CHN2: variants seen among roughly 807,000 people sequenced by gnomAD.
The protein encoded by CHN2 is chimerin 2.
A neutral mutation model predicts 56.3 loss-of-function variants in CHN2; 35 were observed. The observed-to-expected ratio is 0.62, with a 90% CI of 0.47 to 0.82. CHN2 has a LOEUF of 0.82. CHN2 is among the 40% of genes least tolerant of loss of function. CHN2 has a pLI of 0.00. For synonymous variants in CHN2, 210 were observed against 212.8 expected (o/e 0.99, Z 0.12); for missense variants, 491 against 580.5 (o/e 0.85, Z 1.58).
chr7:29,300,798 T>C (rs1793602694), intron 1 of CHN2, among the ~76,000 whole-genome samples: 1 of 152,210 alleles, frequency 6.6e-6, no homozygotes, highest in African/African-American at 2.4e-5. Context: ...GTATGCCTAG[T>C]CTTCACCCCC....
intron 10 of CHN2, among the ~76,000 whole-genome samples, chr7:29,505,705 T>G (rs1294140609): frequency 6.6e-6 from 1 of 152,186 alleles, no homozygotes; most frequent in Non-Finnish European, 1.5e-5. Context: ...AGAGCTCCAC[T>G]TCCTTTTTCC....
chr7:29,490,490 T>C (rs190528532), intron 7 of CHN2, among the ~76,000 whole-genome samples: 4 of 152,318 alleles, frequency 2.6e-5, no homozygotes, highest in Admixed American at 2.6e-4. Context: ...CTATTTCAAC[T>C]TTGTATATCC....
chr7:29,508,780 T>C (rs1216410154), intron 11 of CHN2, among the ~76,000 whole-genome samples: 4 of 152,210 alleles, frequency 2.6e-5, no homozygotes, highest in South Asian at 4.1e-4. Flanking sequence ...GGGTTAAGTA[T>C]GCCAACGCCA....
At chr7:29,384,291 C>A (rs1800756552) in intron 3 of CHN2, among the ~76,000 whole-genome samples, 1 of 152,212 alleles carries the variant, frequency 6.6e-6, no homozygotes, top group Admixed American at 6.5e-5. Context: ...AATTTCCCTT[C>A]CTTTTGGTGT....
intron 1 of CHN2, among the ~76,000 whole-genome samples, chr7:29,308,557 G>A (rs950596902): frequency 3.4e-4 from 51 of 152,042 alleles, no homozygotes; most frequent in African/African-American, 1.1e-3. Flanking sequence ...TCTTTCCCCC[G>A]GTGCCTTCTC....
chr7:29,480,888 A>G (rs1344449369), intron 7 of CHN2, among the ~76,000 whole-genome samples: 2 of 146,312 alleles, frequency 1.4e-5, no homozygotes, highest in African/African-American at 5.1e-5. Context: ...GGGTACGGCT[A>G]GCAGGGGGGG....
intron 1 of CHN2, among the ~76,000 whole-genome samples, chr7:29,329,770 C>T (rs1420805169): frequency 6.6e-6 from 1 of 152,168 alleles, no homozygotes; most frequent in Non-Finnish European, 1.5e-5. Context: ...GTCGGCAAAT[C>T]TGTACAATAA....
intron 3 of CHN2, among the ~76,000 whole-genome samples, chr7:29,373,183 T>C (rs1799750803): frequency 6.6e-6 from 1 of 151,624 alleles, no homozygotes; most frequent in African/African-American, 2.4e-5. Flanking sequence ...CCAATCTTTT[T>C]TTTTTTTCTG....
Position 29,509,408 on chromosome 7 carries a change from T to TA in CHN2, c.1235+4dup. 6.2e-7 allele frequency: 1 copy of TA among 1,611,144 alleles called. No individual in the cohort carries two copies. Among genetic ancestry groups the TA allele is most frequent in the Non-Finnish European group, 8.5e-7 (1 of 1,177,450 alleles). ...GTACCTAATGATCCACCTCAAAAAG[T>TA]AAGCTCATGTCTCGTGCACAAAGCC... is the stretch of plus-strand genomic sequence containing the variant. On this transcript the variant is annotated splice_region_variant and intron_variant, in intron 12 of 12. Coordinates refer to ENST00000222792, the MANE Select transcript of CHN2 (RefSeq NM_004067.4).
chr7:29,368,370 C>G (rs887438201), intron 3 of CHN2, among the ~76,000 whole-genome samples: 1 of 151,920 alleles, frequency 6.6e-6, no homozygotes, highest in Non-Finnish European at 1.5e-5. Context: ...CTTTCAACGC[C>G]CATATTTAGT....
At chr7:29,169,779 A>C (rs1796358133) in intron 2 of CHN2, among the ~76,000 whole-genome samples, 1 of 151,884 alleles carries the variant, frequency 6.6e-6, no homozygotes, top group Non-Finnish European at 1.5e-5. Context: ...GTGCCTATAG[A>C]CCTTCACATC....
At chr7:29,252,590 T>TTTTTTTTTTTTG (rs1788695401) in intron 1 of CHN2, among the ~76,000 whole-genome samples, 1 of 31,928 alleles carries the variant, frequency 3.1e-5, no homozygotes, top group African/African-American at 2.5e-4. Flanking sequence ...TTTTTTTTTT[T>TTTTTTTTTTTTG]TTTTTTTTTT....
At chr7:29,265,432 T>A (rs1790060990) in intron 1 of CHN2, among the ~76,000 whole-genome samples, 1 of 152,232 alleles carries the variant, frequency 6.6e-6, no homozygotes, top group African/African-American at 2.4e-5. Context: ...TCGTGCTCTT[T>A]TGAGTTTGAC....
chr7:29,408,365 G>A (rs1198095164), intron 6 of CHN2, among the ~76,000 whole-genome samples: 3 of 152,086 alleles, frequency 2.0e-5, no homozygotes, highest in African/African-American at 4.8e-5. Context: ...AAGGGGAGAC[G>A]AGAGTAAAGG....
intron 7 of CHN2, among the ~76,000 whole-genome samples, chr7:29,489,460 A>C (rs538325354): frequency 3.9e-5 from 6 of 152,386 alleles, no homozygotes; most frequent in African/African-American, 1.4e-4. Context: ...GTATATTTCA[A>C]TGAAAGAGTA....
intron 6 of CHN2, among the ~76,000 whole-genome samples, chr7:29,450,450 A>C (rs1352150211): frequency 6.6e-6 from 1 of 152,190 alleles, no homozygotes; most frequent in Non-Finnish European, 1.5e-5. Context: ...AGGAGATTTC[A>C]CAGACAGTCA....
At chr7:29,272,311 A>C (rs1327086485) in intron 1 of CHN2, among the ~76,000 whole-genome samples, 1 of 152,164 alleles carries the variant, frequency 6.6e-6, no homozygotes, top group African/African-American at 2.4e-5. Context: ...TCCAGGCGGA[A>C]ATGACAGTTC....
At chr7:29,396,509 C>T (rs1034717) in intron 4 of CHN2, 62,461 of 150,140 alleles carry the variant, frequency 0.42, 15,159 homozygotes, top group East Asian at 0.56. Flanking sequence ...GGGTTAACTG[C>T]CTTGTTTAGA....
chr7:29,278,341 AC>A (rs924866417), intron 1 of CHN2, among the ~76,000 whole-genome samples: 1 of 152,024 alleles, frequency 6.6e-6, no homozygotes, highest in Non-Finnish European at 1.5e-5. Context: ...GGCTTTGCAG[AC>A]CATATGGTCT....
Sources: allele counts gnomAD v4.1 joint callset (sites outside exome capture counted in the v4.1 genomes callset), GRCh38; gene constraint gnomAD v4.1.1; transcripts MANE v1.5; gene names NCBI Gene and HGNC (gene_info 2026-07-23, HGNC 2026-07-21).